The following GRAMD1B variants were observed in gnomAD, a reference collection of about 807,000 sequenced individuals.
GRAMD1B encodes the protein protein Aster-B.
GRAMD1B carries 37 observed loss-of-function variants against 99.7 expected under a neutral mutation model. The observed-to-expected ratio is 0.37, with a 90% CI of 0.29 to 0.49. The LOEUF is 0.49. Ranked by LOEUF, GRAMD1B falls within the 20% of genes least tolerant of loss-of-function variation. GRAMD1B has a pLI of 0.98. For synonymous variants in GRAMD1B, 427 were observed against 387.6 expected (o/e 1.10, Z -1.19); for missense variants, 888 against 1,009.2 (o/e 0.88, Z 1.63).
intron 2 of GRAMD1B, among the ~76,000 whole-genome samples, chr11:123,501,062 A>G (rs1157351365): frequency 1.2e-4 from 18 of 152,204 alleles, no homozygotes; most frequent in Admixed American, 1.2e-3. Flanking sequence ...GGAAATTACT[A>G]TTATACTCAT....
At chr11:123,495,972 A>G (rs758072427) in intron 2 of GRAMD1B, among the ~76,000 whole-genome samples, 1 of 152,164 alleles carries the variant, frequency 6.6e-6, no homozygotes, top group African/African-American at 2.4e-5. Flanking sequence ...TAGTCTTTCT[A>G]TGGAAGATAA....
intron 2 of GRAMD1B, among the ~76,000 whole-genome samples, chr11:123,504,724 C>G (rs1327886858): frequency 6.6e-6 from 1 of 152,152 alleles, no homozygotes; most frequent in East Asian, 1.9e-4. Flanking sequence ...CTCTGTTGCT[C>G]AACCTGGAGT....
intron 1 of GRAMD1B, among the ~76,000 whole-genome samples, chr11:123,394,983 T>C (rs1947410165): frequency 6.6e-6 from 1 of 152,206 alleles, no homozygotes; most frequent in Non-Finnish European, 1.5e-5. Flanking sequence ...GGAGCCCTCA[T>C]GGCCTAATCA....
chr11:123,503,201 G>A (rs981139408), intron 2 of GRAMD1B, among the ~76,000 whole-genome samples: 35 of 152,330 alleles, frequency 2.3e-4, no homozygotes, highest in African/African-American at 7.9e-4. Context: ...AGCTCCCAGG[G>A]CAGGGCGTGG....
intron 1 of GRAMD1B, among the ~76,000 whole-genome samples, chr11:123,383,227 TCTCTCTCTC>T: frequency 8.1e-6 from 1 of 123,474 alleles, no homozygotes; most frequent in African/African-American, 4.0e-5. Flanking sequence ...TCTCTCTCTC[TCTCTCTCTC>T]ATTTCACCTA....
At chr11:123,526,462 A>AG (rs1293838469) in intron 2 of GRAMD1B, among the ~76,000 whole-genome samples, 3 of 152,186 alleles carry the variant, frequency 2.0e-5, no homozygotes, top group Non-Finnish European at 2.9e-5. Context: ...CGAGTACGTG[A>AG]GGAGTGGTGC....
chr11:123,446,432 C>G (rs1479252016), intron 1 of GRAMD1B, among the ~76,000 whole-genome samples: 1 of 152,142 alleles, frequency 6.6e-6, no homozygotes, highest in African/African-American at 2.4e-5. Flanking sequence ...TCCCAAACTG[C>G]TGGGATTAGA....
intron 1 of GRAMD1B, among the ~76,000 whole-genome samples, chr11:123,365,402 C>T (rs933614020): frequency 2.0e-5 from 3 of 152,164 alleles, no homozygotes; most frequent in African/African-American, 7.2e-5. Flanking sequence ...CAGGCACGTG[C>T]CACCATGCCC....
chr11:123,618,494 G>T, intron 17 of GRAMD1B, 199 bp from the exon 18 acceptor site: 1 of 863,944 alleles, frequency 1.2e-6, no homozygotes. Context: ...CCTCTCCATG[G>T]CTCTCCCCTG....
chr11:123,467,819 TTCCCTCCCTCCC>T (rs758659782), intron 1 of GRAMD1B, among the ~76,000 whole-genome samples: 1 of 139,722 alleles, frequency 7.2e-6, no homozygotes, highest in Non-Finnish European at 1.5e-5. Flanking sequence ...TTCTTTTCTT[TTCCCTCCCTCCC>T]TCCCTCCCTC....
intron 9 of GRAMD1B, among the ~76,000 whole-genome samples, chr11:123,604,926 T>C (rs1045146499): frequency 6.6e-6 from 1 of 152,176 alleles, no homozygotes; most frequent in Admixed American, 6.5e-5. Flanking sequence ...CAGAGTCCTG[T>C]CTTCGTCACC....
At chr11:123,448,060 G>A (rs950389456) in intron 1 of GRAMD1B, among the ~76,000 whole-genome samples, 1 of 152,042 alleles carries the variant, frequency 6.6e-6, no homozygotes, top group Non-Finnish European at 1.5e-5. Flanking sequence ...AGAGAGACAG[G>A]GTCTTGCTAT....
At chr11:123,548,294 ATATAT>A (rs1945222582) in intron 2 of GRAMD1B, among the ~76,000 whole-genome samples, 1 of 22,354 alleles carries the variant, frequency 4.5e-5, no homozygotes, top group African/African-American at 2.9e-4. Flanking sequence ...GTGCCAAAAT[ATATAT>A]ATATATATAT....
intron 2 of GRAMD1B, among the ~76,000 whole-genome samples, chr11:123,539,220 C>T (rs1397723111): frequency 6.6e-6 from 1 of 151,846 alleles, no homozygotes; most frequent in Non-Finnish European, 1.5e-5. Context: ...AGGGTAAGAC[C>T]CTGTCTCTTA....
intron 1 of GRAMD1B, among the ~76,000 whole-genome samples, chr11:123,443,977 G>A (rs1417359170): frequency 6.6e-6 from 1 of 152,008 alleles, no homozygotes; most frequent in Non-Finnish European, 1.5e-5. Flanking sequence ...TTAAGATAAG[G>A]GGTTGTGGAG....
intron 8 of GRAMD1B, 125 bp from the exon 9 acceptor site, chr11:123,603,301 C>T: frequency 1.5e-6 from 1 of 649,784 alleles, no homozygotes; most frequent in South Asian, 1.8e-5. Context: ...TGGCTCGCCT[C>T]TCATTCAGCT....
chr11:123,467,392 AC>A (rs1950736037), intron 1 of GRAMD1B, among the ~76,000 whole-genome samples: 1 of 97,122 alleles, frequency 1.0e-5, no homozygotes, highest in East Asian at 3.2e-4. Flanking sequence ...GGTTTTCAAC[AC>A]CTTTTTTTTT....
At chr11:123,444,561 C>T (rs975474854) in intron 1 of GRAMD1B, among the ~76,000 whole-genome samples, 11 of 152,108 alleles carry the variant, frequency 7.2e-5, no homozygotes, top group South Asian at 2.1e-4. Flanking sequence ...CATGTTTGAG[C>T]CCCCACGTCT....
At chr11:123,439,465 A>G in intron 1 of GRAMD1B, among the ~76,000 whole-genome samples, 1 of 152,176 alleles carries the variant, frequency 6.6e-6, no homozygotes, top group East Asian at 1.9e-4. Flanking sequence ...CGAAATCCTC[A>G]CTAGGAAAAT....
Sources: allele counts gnomAD v4.1 joint callset (sites outside exome capture counted in the v4.1 genomes callset), GRCh38; gene constraint gnomAD v4.1.1; transcripts MANE v1.5; gene names NCBI Gene and HGNC (gene_info 2026-07-23, HGNC 2026-07-21).